Variants in AK9 observed in about 807,000 individuals in gnomAD.
AK9 encodes the protein adenylate kinase domain containing 1.
A neutral mutation model predicts 239.6 loss-of-function variants in AK9; 191 were observed. The observed-to-expected ratio is 0.80, with a 90% CI of 0.71 to 0.90. The LOEUF is 0.90. Among genes scored for constraint, AK9 ranks in the 40% least tolerant of loss-of-function variants. AK9 has a pLI of 0.00. For missense variants in AK9, 1,995 were observed against 2,214.7 expected (o/e 0.90, Z 1.99); for synonymous variants, 689 against 721.0 (o/e 0.96, Z 0.71).
chr6:109,643,996 G>A (rs1158461259), intron 9 of AK9, among the ~76,000 whole-genome samples: 1 of 152,152 alleles, frequency 6.6e-6, no homozygotes, highest in Non-Finnish European at 1.5e-5. Flanking sequence ...CCATGCATGT[G>A]TATCCCTGAC....
chr6:109,597,504 C>T (rs527889238), intron 17 of AK9, among the ~76,000 whole-genome samples: 116 of 152,188 alleles, frequency 7.6e-4, no homozygotes, highest in Non-Finnish European at 1.0e-3. Flanking sequence ...AACCCCATCT[C>T]TACTAAAAAT....
chr6:109,674,155 AAG>A, intron 3 of AK9, 41 bp downstream of exon 3: 1 of 1,457,018 alleles, frequency 6.9e-7, no homozygotes, highest in Non-Finnish European at 9.3e-7. Context: ...GAATATTTGA[AAG>A]TTTTCATAAT....
chr6:109,558,916 T>G (rs1583000389), intron 24 of AK9, among the ~76,000 whole-genome samples: 1 of 151,086 alleles, frequency 6.6e-6, no homozygotes, highest in Admixed American at 6.6e-5. Flanking sequence ...TAGGCTGGGG[T>G]GCGGTGGCAC....
At chr6:109,678,138 T>C (rs1772032136) in intron 1 of AK9, among the ~76,000 whole-genome samples, 1 of 152,192 alleles carries the variant, frequency 6.6e-6, no homozygotes, top group Admixed American at 6.5e-5. Context: ...TTATTCAAAA[T>C]AGTCAAAAGC....
intron 35 of AK9, among the ~76,000 whole-genome samples, chr6:109,504,198 T>C (rs1777876899): frequency 6.6e-6 from 1 of 151,824 alleles, no homozygotes; most frequent in South Asian, 2.1e-4. Flanking sequence ...CCAATCTCTA[T>C]AAAAACATTT....
Position 109,546,145 on chromosome 6 carries a change from T to C in AK9, c.2965-18A>G. 1.5e-6 allele frequency: 1 copy of C among 689,118 alleles called. No individual in the cohort carries two copies. The highest frequency in any genetic ancestry group is 2.4e-6 in the Non-Finnish European group (1 of 421,070). The allele number at this position is 689,118 out of a possible 1,614,324, so 42.7% of individuals were successfully genotyped here. A position where few individuals can be genotyped will look rare whatever the true frequency, so the allele number is the denominator to read the frequency against. ...GGAGGAGCCTGTCACAGGGGGTGGG[T>C]CAGGGAGGGGTGGGATAAAGGGAGA... On this transcript the variant is annotated intron_variant, in intron 25 of 40. Transcript: ENST00000424296.
In AK9 at chr6:109,633,286, A is replaced by AT; in HGVS notation, c.970dup (p.Ile324AsnfsTer11). On this transcript the variant is annotated frameshift_variant, in exon 11 of 41. Coordinates refer to ENST00000424296, the MANE Select transcript of AK9 (RefSeq NM_001145128.3). LOFTEE classifies it high-confidence loss of function. ...TCTTTGCCATCTGTATCTTGGTGCA[A>AT]TAAGTTTATAAGATGCAAGAGTACG... is the stretch of plus-strand genomic sequence containing the variant. 1 of 1,607,048 alleles carries AT rather than the reference A, an allele frequency of 6.2e-7. No individual in the cohort carries two copies. Among genetic ancestry groups the AT allele is most frequent in the Non-Finnish European group, 8.5e-7 (1 of 1,178,772 alleles).
At chr6:109,535,247 C>T (rs1410022347) in intron 27 of AK9, among the ~76,000 whole-genome samples, 2 of 152,188 alleles carry the variant, frequency 1.3e-5, no homozygotes, top group Non-Finnish European at 2.9e-5. Context: ...TCCTATTTCT[C>T]CACATCCTCT....
intron 8 of AK9, among the ~76,000 whole-genome samples, chr6:109,646,553 A>T (rs558861178): frequency 6.6e-6 from 1 of 152,316 alleles, no homozygotes; most frequent in South Asian, 2.1e-4. Flanking sequence ...AAGAGTAAAA[A>T]GAAATGAAAG....
intron 1 of AK9, among the ~76,000 whole-genome samples, chr6:109,677,349 A>G (rs558103831): frequency 1.7e-4 from 26 of 152,292 alleles, no homozygotes; most frequent in African/African-American, 6.3e-4. Context: ...ACAAATCTAT[A>G]AAAAGGTATG....
chr6:109,626,559 C>A (rs1016047254), intron 12 of AK9, among the ~76,000 whole-genome samples: 2 of 152,146 alleles, frequency 1.3e-5, no homozygotes, highest in Non-Finnish European at 2.9e-5. Context: ...GTTGTGCAAA[C>A]AGCATAGAGT....
intron 8 of AK9, among the ~76,000 whole-genome samples, chr6:109,645,311 A>G (rs1797914129): frequency 6.6e-6 from 1 of 152,140 alleles, no homozygotes; most frequent in African/African-American, 2.4e-5. Flanking sequence ...TAGCCAAGGG[A>G]AAGTGTTTCC....
chr6:109,662,863 A>C (rs1800615951), intron 5 of AK9, among the ~76,000 whole-genome samples, 200 bp from the exon 6 acceptor site: 1 of 152,006 alleles, frequency 6.6e-6, no homozygotes, highest in Non-Finnish European at 1.5e-5. Context: ...TCTGATGATA[A>C]AGAAATCACT....
chr6:109,528,124 G>A (rs1780748756), intron 29 of AK9: 2 of 238,916 alleles, frequency 8.4e-6, no homozygotes, highest in South Asian at 5.3e-5. Context: ...AAGGGATACT[G>A]CGTAGGTGTG....
At chr6:109,686,040 T>C (rs760661583) in intron 1 of AK9, among the ~76,000 whole-genome samples, 1 of 152,170 alleles carries the variant, frequency 6.6e-6, no homozygotes, top group African/African-American at 2.4e-5. Flanking sequence ...GATCTGGCAA[T>C]GTGTGCATCC....
intron 24 of AK9, among the ~76,000 whole-genome samples, chr6:109,551,781 A>AG (rs34503277): frequency 0.19 from 27,655 of 147,872 alleles, 2,922 homozygotes; most frequent in East Asian, 0.42. Context: ...AAAAAAAAAA[A>AG]GGGGGGTACA....
At chr6:109,665,048 TAAA>T (rs1800996397) in intron 5 of AK9, among the ~76,000 whole-genome samples, 1 of 151,782 alleles carries the variant, frequency 6.6e-6, no homozygotes, top group South Asian at 2.1e-4. Flanking sequence ...TCAAAAAAAA[TAAA>T]GAAGAAGAAG....
intron 21 of AK9, among the ~76,000 whole-genome samples, chr6:109,566,987 A>C (rs917269035): frequency 1.3e-5 from 2 of 152,226 alleles, no homozygotes; most frequent in African/African-American, 2.4e-5. Flanking sequence ...GGCAAGATCT[A>C]AAATTGACAC....
intron 21 of AK9, among the ~76,000 whole-genome samples, chr6:109,573,026 A>T (rs1189985410): frequency 6.6e-6 from 1 of 152,174 alleles, no homozygotes; most frequent in Non-Finnish European, 1.5e-5. Flanking sequence ...ATAAAGATGA[A>T]CTGTAAAATT....
Sources: gnomAD v4.1 joint callset for allele counts (sites outside exome capture counted in the v4.1 genomes callset) on GRCh38, gnomAD v4.1.1 for gene constraint, MANE v1.5 for transcripts, NCBI Gene and HGNC (gene_info 2026-07-23, HGNC 2026-07-21) for gene names.